ATAD3B: variants seen among roughly 807,000 people sequenced by gnomAD.
ATAD3B encodes the protein ATPase family AAA domain-containing protein 3B.
ATAD3B carries 59 observed loss-of-function variants against 70.2 expected under a neutral mutation model. The observed-to-expected ratio is 0.84, with a 90% CI of 0.68 to 1.04. The LOEUF (loss-of-function observed/expected upper bound fraction) is 1.04, where lower values mean the gene tolerates loss of function less well. Among genes scored for constraint, ATAD3B ranks in the 50% least tolerant of loss-of-function variants. ATAD3B has a pLI of 0.00. For missense variants in ATAD3B, 961 were observed against 913.4 expected (o/e 1.05, Z -0.67); for synonymous variants, 423 against 388.6 (o/e 1.09, Z -1.04).
intron 4 of ATAD3B, among the ~76,000 whole-genome samples, chr1:1,479,826 C>T (rs1469047879): frequency 7.0e-6 from 1 of 142,818 alleles, no homozygotes; most frequent in East Asian, 2.2e-4. Context: ...ACACACATAC[C>T]CCTTCACACA....
chr1:1,502,352 C>A (rs1227229482), downstream of ATAD3B, among the ~76,000 whole-genome samples: 1 of 150,430 alleles, frequency 6.6e-6, no homozygotes, highest in Non-Finnish European at 1.5e-5. Flanking sequence ...GTAGCTGGGA[C>A]TACAGGCGCC....
chr1:1,503,790 G>C, the ATAD3B span: 3 of 1,377,932 alleles, frequency 2.2e-6, no homozygotes, highest in African/African-American at 2.9e-5. Flanking sequence ...GCAGGGCCGA[G>C]CTTGGGCGCC....
chr1:1,488,247 C>T (rs1334246913), intron 12 of ATAD3B, among the ~76,000 whole-genome samples: 2 of 151,988 alleles, frequency 1.3e-5, no homozygotes, highest in Non-Finnish European at 2.9e-5. Context: ...TGATCCACCA[C>T]GCCCAGCCAT....
intron 1 of ATAD3B, among the ~76,000 whole-genome samples, chr1:1,476,858 G>T (rs111993331): frequency 6.6e-6 from 1 of 151,580 alleles, no homozygotes. Context: ...CCCGGCTGGA[G>T]TGCGGTGGTG....
At chr1:1,481,184 T>G (rs1420127985) in intron 5 of ATAD3B, among the ~76,000 whole-genome samples, 2 of 119,862 alleles carry the variant, frequency 1.7e-5, no homozygotes, top group Non-Finnish European at 3.3e-5. Flanking sequence ...GCCTTTTTTT[T>G]TTTTTTGAGA....
intron 1 of ATAD3B, among the ~76,000 whole-genome samples, chr1:1,475,129 C>A (rs1230090039): frequency 2.0e-5 from 3 of 148,726 alleles, no homozygotes; most frequent in Non-Finnish European, 4.4e-5. Context: ...GCTCCTGACC[C>A]GCAGTCCGCT....
chr1:1,479,572 AG>A (rs1639791213), intron 4 of ATAD3B, among the ~76,000 whole-genome samples: 1 of 141,748 alleles, frequency 7.1e-6, no homozygotes, highest in Non-Finnish European at 1.5e-5. Context: ...GCCACAACAC[AG>A]GCACACATAC....
Position 1,489,498 on chromosome 1 carries a change from G to A in ATAD3B, c.1337+224G>A, listed in dbSNP as rs918383040. 28 of 1,002,372 alleles carry A rather than the reference G, an allele frequency of 2.8e-5. 1 individual carries two copies. Among genetic ancestry groups the A allele is most frequent in the African/African-American group, 4.9e-5 (3 of 60,904 alleles). The allele number at this position is 1,002,372 out of a possible 1,614,324, so 62.1% of individuals were successfully genotyped here. ...GAGCTGGGGTCAGTCCTGTCTTCAC[G>A]GCCCTGTGCGCCGCCGCCCCAGCTT... On this transcript the variant is annotated intron_variant, in intron 13 of 15. Transcript: ENST00000673477.
At chr1:1,503,630 C>G in the ATAD3B span, 9 of 1,612,180 alleles carry the variant, frequency 5.6e-6, no homozygotes, top group Non-Finnish European at 7.6e-6. Context: ...CAGGAGCAGA[C>G]GCTGCAGTTG....
Position 1,482,577 on chromosome 1 carries a change from G to T in ATAD3B, c.713G>T (p.Arg238Leu), listed in dbSNP as rs1422191684. The T allele has an allele frequency of 6.2e-7, 1 of 1,613,330 alleles. No individual in the cohort carries two copies. Among genetic ancestry groups the T allele is most frequent in the Non-Finnish European group, 8.5e-7 (1 of 1,179,526 alleles). Residue 238 changes from arginine (R) to leucine (L), a missense_variant, in exon 7 of 16, where the codon CGT becomes CTT. Around this residue, in one of 4 missense-constraint regions of ATAD3B, gnomAD observed 349 missense variants for 307.5 expected, o/e 1.14. Coordinates refer to ENST00000673477, the MANE Select transcript of ATAD3B (RefSeq NM_031921.6). The stretch of plus-strand genomic sequence containing the variant: ...GGCACCTTGTTTGGGGAAGGATTCC[G>T]TGCCTTTGTGACAGACCGGGACAAA... ...TAGTLFGEGF[R>L]AFVTDRDKVT...
chr1:1,476,837 C>T (rs1409450286), intron 1 of ATAD3B, among the ~76,000 whole-genome samples: 11 of 151,322 alleles, frequency 7.3e-5, no homozygotes, highest in African/African-American at 1.7e-4. Flanking sequence ...GACGGAGTTG[C>T]GCTCTGTTGC....
chr1:1,485,248 A>G (rs954153079), intron 8 of ATAD3B, 77 bp downstream of exon 8: 17 of 1,567,578 alleles, frequency 1.1e-5, no homozygotes, highest in Non-Finnish European at 1.5e-5. Context: ...CAGCCCACGC[A>G]CACCCTCCCG....
chr1:1,485,713 G>A, intron 8 of ATAD3B, 69 bp from the exon 9 acceptor site: 2 of 1,601,334 alleles, frequency 1.2e-6, no homozygotes, highest in South Asian at 1.1e-5. Flanking sequence ...CCGAGCATGT[G>A]TGTGCGTTGG....
Position 1,490,511 on chromosome 1 carries a change from A to G in ATAD3B, c.1506-52A>G, listed in dbSNP as rs780508096. 16 of 1,610,840 alleles carry G rather than the reference A, an allele frequency of 9.9e-6. No homozygotes were observed. The African/African-American group carries it at 1.3e-4, about 13-fold the overall frequency. ...CTGCCTGTCTTCCGGCCTCCACCTC[A>G]TGGTGTGGGGTCCGCGGCCTTGGCT... On this transcript the variant is annotated intron_variant, in intron 14 of 15. Transcript: ENST00000673477.
chr1:1,483,171 C>T (rs546302676), intron 7 of ATAD3B: 9 of 385,132 alleles, frequency 2.3e-5, no homozygotes, highest in South Asian at 1.7e-4. Flanking sequence ...GGTGTGGTGA[C>T]ATGTGCCTGT....
At chr1:1,503,398 G>T in the ATAD3B span, 2 of 630,304 alleles carry the variant, frequency 3.2e-6, no homozygotes, top group East Asian at 3.0e-5. Flanking sequence ...AATGCATCAG[G>T]CCGTGTGCTG....
the ATAD3B span, among the ~76,000 whole-genome samples, chr1:1,506,646 T>TTTTCATAATTTCATAAA: frequency 6.6e-6 from 1 of 152,162 alleles, no homozygotes; most frequent in African/African-American, 2.4e-5. Flanking sequence ...TAAATGGAAA[T>TTTTCATAATTTCATAAA]GGTTTCATAA....
chr1:1,488,846 A>G (rs961642449), intron 12 of ATAD3B, among the ~76,000 whole-genome samples: 10 of 151,532 alleles, frequency 6.6e-5, no homozygotes, highest in African/African-American at 1.9e-4. Flanking sequence ...TTTTTTTTAA[A>G]TGTATTTTTT....
In ATAD3B at chr1:1,489,191, C is replaced by G; in HGVS notation, c.1267-13C>G. The G allele has an allele frequency of 6.2e-7, 1 of 1,613,430 alleles. No homozygotes were observed. Among genetic ancestry groups the G allele is most frequent in the Non-Finnish European group, 8.5e-7 (1 of 1,179,512 alleles). ...TGCTTCTGGTGCCTAAGGCTGGAAC[C>G]TTCTCTCTGCAGGAGGAGATAAGCA... On this transcript the variant is annotated splice_polypyrimidine_tract_variant and intron_variant, in intron 12 of 15. Transcript: ENST00000673477.
Sources: gnomAD v4.1 joint callset for allele counts (sites outside exome capture counted in the v4.1 genomes callset) on GRCh38, gnomAD v4.1.1 for gene constraint, gnomAD v4.1.1 regional missense constraint, MANE v1.5 for transcripts, NCBI Gene and HGNC (gene_info 2026-07-23, HGNC 2026-07-21) for gene names.